Variants in MOXD1 observed in about 807,000 individuals in gnomAD.
MOXD1 encodes DBH-like monooxygenase protein 1.
MOXD1 carries 62 observed loss-of-function variants against 66.6 expected under a neutral mutation model. The ratio of observed to expected loss-of-function variants is 0.93; its 90% CI spans 0.76 to 1.15. The LOEUF (loss-of-function observed/expected upper bound fraction) is 1.15, where lower values mean the gene tolerates loss of function less well. MOXD1 is among the 50% of genes most tolerant of loss of function. MOXD1 has a pLI of 0.00. For synonymous variants in MOXD1, 303 were observed against 281.9 expected (o/e 1.07, Z -0.75); for missense variants, 847 against 754.6 (o/e 1.12, Z -1.44).
At chr6:132,326,028 A>G (rs961595412) in intron 6 of MOXD1, among the ~76,000 whole-genome samples, 9 of 152,188 alleles carry the variant, frequency 5.9e-5, no homozygotes, top group Non-Finnish European at 7.4e-5. Flanking sequence ...TATTTTTGGC[A>G]TCTACTTCCT....
chr6:132,372,795 C>T (rs1336507027), intron 3 of MOXD1, 35 bp downstream of exon 3: 2 of 1,611,294 alleles, frequency 1.2e-6, no homozygotes, highest in Admixed American at 3.3e-5. Context: ...TTCAATAAGC[C>T]CATCCCTACA....
At chr6:132,349,408 TATATATATATATAC>T (rs1562289898) in intron 4 of MOXD1, among the ~76,000 whole-genome samples, 3 of 9,908 alleles carry the variant, frequency 3.0e-4, no homozygotes, top group African/African-American at 4.8e-4. Context: ...TATATATACA[TATATATATATATAC>T]ATATATATAT....
intron 4 of MOXD1, among the ~76,000 whole-genome samples, chr6:132,359,417 A>C (rs1379126935): frequency 6.6e-6 from 1 of 152,100 alleles, no homozygotes; most frequent in Non-Finnish European, 1.5e-5. Context: ...ACATGTGTGC[A>C]ATTAAGAGGC....
intron 4 of MOXD1, among the ~76,000 whole-genome samples, chr6:132,359,488 CTT>C (rs568516620): frequency 5.4e-5 from 7 of 129,504 alleles, no homozygotes; most frequent in Admixed American, 1.5e-4. Flanking sequence ...TTTTCTTTTT[CTT>C]TTTTTTTTTT....
intron 4 of MOXD1, among the ~76,000 whole-genome samples, chr6:132,332,051 C>A (rs1420058582): frequency 6.6e-6 from 1 of 152,192 alleles, no homozygotes; most frequent in Non-Finnish European, 1.5e-5. Flanking sequence ...GGCTCATGGC[C>A]TCCCTGCCAC....
intron 4 of MOXD1, among the ~76,000 whole-genome samples, chr6:132,357,687 CT>C (rs1483281066): frequency 6.6e-6 from 1 of 151,828 alleles, no homozygotes; most frequent in Non-Finnish European, 1.5e-5. Context: ...TAATTTAGAG[CT>C]TTTTGAAAAG....
At chr6:132,370,700 T>C (rs563669047) in intron 4 of MOXD1, among the ~76,000 whole-genome samples, 1 of 152,244 alleles carries the variant, frequency 6.6e-6, no homozygotes, top group Admixed American at 6.5e-5. Context: ...TAACTTTTGT[T>C]GTCTAGAAGA....
At chr6:132,308,763 C>A (rs1005610331) in intron 10 of MOXD1, among the ~76,000 whole-genome samples, 4 of 152,100 alleles carry the variant, frequency 2.6e-5, no homozygotes, top group Admixed American at 2.6e-4. Context: ...GAATCAAAGT[C>A]AAAAACCACA....
At chr6:132,320,176 G>T (rs1775047691) in intron 9 of MOXD1, among the ~76,000 whole-genome samples, 2 of 152,074 alleles carry the variant, frequency 1.3e-5, no homozygotes, top group South Asian at 4.1e-4. Flanking sequence ...AGTAAGACAT[G>T]AATTATCTAT....
intron 10 of MOXD1, among the ~76,000 whole-genome samples, chr6:132,306,635 G>A (rs1484698595): frequency 1.3e-5 from 2 of 152,128 alleles, no homozygotes; most frequent in Admixed American, 6.5e-5. Flanking sequence ...ACCTACAAAG[G>A]GAAGCCCATC....
intron 4 of MOXD1, among the ~76,000 whole-genome samples, chr6:132,329,548 A>G (rs1226598286): frequency 1.3e-5 from 2 of 152,034 alleles, no homozygotes; most frequent in Non-Finnish European, 2.9e-5. Context: ...ATCTTTACCC[A>G]TCCCTACCAG....
Position 132,374,628 on chromosome 6 carries a change from T to C in MOXD1, c.411+3A>G. 6.2e-7 allele frequency: 1 copy of C among 1,613,490 alleles called. No individual in the cohort carries two copies. The highest frequency in any genetic ancestry group is 8.5e-7 in the Non-Finnish European group (1 of 1,179,896). On this transcript the variant is annotated splice_donor_region_variant and intron_variant, in intron 2 of 11. Transcript: ENST00000367963. ...TGCATGCATTCACTCATAGATGCCTTACCGTTATACTCTTGTCATTTATGT... is the reference window on the plus strand; with the variant it reads ...TGCATGCATTCACTCATAGATGCCTCACCGTTATACTCTTGTCATTTATGT...
At chr6:132,397,592 AACAC>A (rs747431993) in intron 1 of MOXD1, among the ~76,000 whole-genome samples, 1 of 147,652 alleles carries the variant, frequency 6.8e-6, no homozygotes, top group African/African-American at 2.6e-5. Context: ...TTTTTATTTA[AACAC>A]ACACACACAC....
chr6:132,388,271 T>C (rs1776691279), intron 1 of MOXD1, among the ~76,000 whole-genome samples: 1 of 151,406 alleles, frequency 6.6e-6, no homozygotes, highest in East Asian at 1.9e-4. Flanking sequence ...CAAAAGCCCA[T>C]GCATTAAATA....
At chr6:132,378,207 T>C (rs1776434311) in intron 1 of MOXD1, among the ~76,000 whole-genome samples, 1 of 152,190 alleles carries the variant, frequency 6.6e-6, no homozygotes, top group South Asian at 2.1e-4. Flanking sequence ...GATTTGACTA[T>C]AATACACCTT....
chr6:132,322,528 C>T (rs1775096631), intron 8 of MOXD1, 151 bp downstream of exon 8: 1 of 635,186 alleles, frequency 1.6e-6, no homozygotes. Context: ...AAACACATTC[C>T]ATCTGGGTTG....
At chr6:132,384,839 T>C (rs2114682398) in intron 1 of MOXD1, among the ~76,000 whole-genome samples, 1 of 152,246 alleles carries the variant, frequency 6.6e-6, no homozygotes, top group Middle Eastern at 3.4e-3. Flanking sequence ...TTACATGCCA[T>C]TGTAGGGAGC....
chr6:132,309,755 G>A (rs1774781800), intron 10 of MOXD1, among the ~76,000 whole-genome samples: 1 of 152,192 alleles, frequency 6.6e-6, no homozygotes, highest in Non-Finnish European at 1.5e-5. Context: ...AATGGGGAAA[G>A]GATCTCCTAT....
intron 6 of MOXD1, among the ~76,000 whole-genome samples, chr6:132,325,325 G>A (rs1775164495): frequency 6.6e-6 from 1 of 152,152 alleles, no homozygotes; most frequent in Non-Finnish European, 1.5e-5. Context: ...CAAATGCTAT[G>A]GTTAAATGTC....
Sources: allele counts gnomAD v4.1 joint callset (sites outside exome capture counted in the v4.1 genomes callset), GRCh38; gene constraint gnomAD v4.1.1; transcripts MANE v1.5; gene names NCBI Gene and HGNC (gene_info 2026-07-23, HGNC 2026-07-21).